The following CPHXL variants were observed in gnomAD, a reference collection of about 807,000 sequenced individuals.
CPHXL encodes cytoplasmic polyadenylated homeobox like, also known as cytoplasmic polyadenylated homeobox-like protein.
chr16:75,718,918 T>C (rs574327179), intron 1 of CPHXL, among the ~76,000 whole-genome samples: 15 of 152,232 alleles, frequency 9.9e-5, no homozygotes, highest in African/African-American at 3.1e-4. Flanking sequence ...TCTATACTGA[T>C]TGGAAGGCAG....
At chr16:75,722,368 TAAA>T (rs1959490483) in intron 1 of CPHXL, among the ~76,000 whole-genome samples, 1 of 151,984 alleles carries the variant, frequency 6.6e-6, no homozygotes, top group African/African-American at 2.4e-5. Context: ...GCAAGACTAA[TAAA>T]GAAGAAAAGA....
intron 1 of CPHXL, among the ~76,000 whole-genome samples, chr16:75,725,044 T>A (rs887027428): frequency 4.0e-5 from 6 of 151,572 alleles, no homozygotes; most frequent in South Asian, 2.1e-4. Context: ...CAAACACCGC[T>A]TGTTCTCACT....
At chr16:75,716,301 C>T (rs570465847) in intron 2 of CPHXL, among the ~76,000 whole-genome samples, 1 of 152,108 alleles carries the variant, frequency 6.6e-6, no homozygotes, top group Non-Finnish European at 1.5e-5. Context: ...TCCCACAGGT[C>T]GAGGGCTCAG....
At position 75,714,976 on chromosome 16, in the gene CPHXL, A is replaced by G; in HGVS notation, c.466T>C (p.Cys156Arg). The change falls in exon 3 of 3, where the codon TGT (cysteine) becomes CGT (arginine). Residue 156 changes from cysteine to arginine, a missense_variant. Cys to Arg is a radical substitution (Grantham distance 180). Transcript: ENST00000640559. Reference sequence around the variant, plus strand: ...GTCTCTTGGTTCTCCAAAGAGAAACAATTATAGCCCATTTCTTGACTGGGA... The same window carrying G: ...GTCTCTTGGTTCTCCAAAGAGAAACGATTATAGCCCATTTCTTGACTGGGA... ...WIPSQEMGYN[C>R]FSLENQETPS... The G allele has an allele frequency of 2.5e-6, 1 of 398,632 alleles. No homozygotes were observed. Among genetic ancestry groups the G allele is most frequent in the Non-Finnish European group, 4.4e-6 (1 of 226,070 alleles). The allele number at this position is 398,632 out of a possible 1,614,324, so 24.7% of individuals were successfully genotyped here.
intron 1 of CPHXL, among the ~76,000 whole-genome samples, chr16:75,722,778 AG>A (rs1472453342): frequency 1.3e-5 from 2 of 152,220 alleles, no homozygotes; most frequent in Non-Finnish European, 2.9e-5. Context: ...CTGATACCAA[AG>A]CCTGGCAGAG....
intron 1 of CPHXL, among the ~76,000 whole-genome samples, chr16:75,725,115 G>A (rs1228797329): frequency 2.7e-5 from 4 of 147,510 alleles, no homozygotes; most frequent in East Asian, 2.2e-4. Context: ...TCACACACCC[G>A]GGCCTGTTGT....
intron 2 of CPHXL, 88 bp downstream of exon 2, chr16:75,718,177 C>G (rs1380591907): frequency 2.0e-5 from 8 of 395,712 alleles, no homozygotes; most frequent in Non-Finnish European, 1.8e-5. Context: ...GTGATCATGC[C>G]ACTGTGCATC....
At chr16:75,726,396 GA>G (rs921616315) in intron 1 of CPHXL, 21 bp downstream of exon 1, 1 of 398,606 alleles carries the variant, frequency 2.5e-6, no homozygotes. Context: ...CATTGTAAGA[GA>G]AAAAGCTGAT....
chr16:75,720,954 T>C (rs537253040), intron 1 of CPHXL, among the ~76,000 whole-genome samples: 49 of 149,758 alleles, frequency 3.3e-4, no homozygotes, highest in African/African-American at 9.7e-4. Context: ...ATATTCAATA[T>C]TCTTAAAGAA....
At chr16:75,719,649 C>T (rs568323348) in intron 1 of CPHXL, among the ~76,000 whole-genome samples, 1 of 152,322 alleles carries the variant, frequency 6.6e-6, no homozygotes, top group African/African-American at 2.4e-5. Context: ...AGGAGGCCTG[C>T]CTGCCTCTCT....
In CPHXL at chr16:75,715,905, C is replaced by T. The variant is rs945090539; in HGVS notation, c.220-683G>A. On this transcript the variant is annotated intron_variant, in intron 2 of 2. Coordinates refer to ENST00000640559, the MANE Select transcript of CPHXL (RefSeq NM_001355613.1). ...TAGAGACGGGGTTTCGCTATGTTGGCCAGGCTGGTCTCGAACTCCTGACCT... is the reference window on the plus strand; with the variant it reads ...TAGAGACGGGGTTTCGCTATGTTGGTCAGGCTGGTCTCGAACTCCTGACCT... Among the ~76,000 whole-genome samples, 3 of 152,012 alleles carry T rather than the reference C, an allele frequency of 2.0e-5. No individual in the cohort carries two copies. The East Asian group carries it at 5.8e-4, about 29-fold the overall frequency.
chr16:75,715,533 T>C (rs1959378222), intron 2 of CPHXL, among the ~76,000 whole-genome samples: 2 of 152,200 alleles, frequency 1.3e-5, no homozygotes, highest in Non-Finnish European at 2.9e-5. Context: ...ATTTGCAATG[T>C]TCTCCTGCAT....
At chr16:75,720,697 G>A (rs918386876) in intron 1 of CPHXL, among the ~76,000 whole-genome samples, 1 of 152,160 alleles carries the variant, frequency 6.6e-6, no homozygotes, top group African/African-American at 2.4e-5. Context: ...TTATCCAGGA[G>A]AACTTCCCCA....
chr16:75,717,113 T>C (rs893994539), intron 2 of CPHXL, among the ~76,000 whole-genome samples: 2 of 152,174 alleles, frequency 1.3e-5, no homozygotes, highest in Admixed American at 1.3e-4. Flanking sequence ...TAGTAAACTT[T>C]GTCAGCTCCA....
intron 1 of CPHXL, among the ~76,000 whole-genome samples, chr16:75,722,852 T>C (rs1207093949): frequency 1.3e-5 from 2 of 152,152 alleles, no homozygotes; most frequent in African/African-American, 4.8e-5. Context: ...AAATCCTCAA[T>C]AAAATACTAG....
At chr16:75,717,338 A>G (rs1238650956) in intron 2 of CPHXL, among the ~76,000 whole-genome samples, 1 of 152,208 alleles carries the variant, frequency 6.6e-6, no homozygotes, top group African/African-American at 2.4e-5. Context: ...ATACTGCTTA[A>G]TTCTTTACAT....
Position 75,722,657 on chromosome 16 carries a change from G to A in CPHXL, c.25+3761C>T, listed in dbSNP as rs867722516. 1.1e-3 allele frequency among the ~76,000 whole-genome samples: 164 copies of A among 152,262 alleles called. 1 individual carries two copies. The highest frequency in any genetic ancestry group is 3.7e-3 in the African/African-American group (152 of 41,558). ...TCCAGGACCAGACGGATTCACAGCC[G>A]AATTCTACCAGAGGTGCAAGGAAGA... On this transcript the variant is annotated intron_variant, in intron 1 of 2. Transcript: ENST00000640559.
chr16:75,719,124 T>C (rs1485817682), intron 1 of CPHXL, among the ~76,000 whole-genome samples: 2 of 151,912 alleles, frequency 1.3e-5, no homozygotes, highest in Non-Finnish European at 2.9e-5. Context: ...ATATTTCTTT[T>C]GAGCCAAGAT....
intron 1 of CPHXL, among the ~76,000 whole-genome samples, chr16:75,721,379 A>C (rs1025216647): frequency 6.6e-6 from 1 of 152,238 alleles, no homozygotes; most frequent in Non-Finnish European, 1.5e-5. Flanking sequence ...AGAGACACAC[A>C]TAGGCTCAAA....
Sources: allele counts gnomAD v4.1 joint callset (sites outside exome capture counted in the v4.1 genomes callset), GRCh38; gene constraint gnomAD v4.1.1; transcripts MANE v1.5; gene names NCBI Gene and HGNC (gene_info 2026-07-23, HGNC 2026-07-21).